The following FARP1 variants were observed in gnomAD, a reference collection of about 807,000 sequenced individuals.
FARP1 encodes FERM, ARH/RhoGEF and pleckstrin domain protein 1.
FARP1 carries 52 observed loss-of-function variants against 128.8 expected under a neutral mutation model. The observed-to-expected ratio is 0.40, with a 90% confidence interval of 0.32 to 0.51. FARP1 has a LOEUF of 0.51. Ranked by LOEUF, FARP1 falls within the 20% of genes least tolerant of loss-of-function variation. FARP1 has a pLI of 0.45. For missense variants in FARP1, 1,333 were observed against 1,367.9 expected, an observed-to-expected ratio of 0.97 and a Z score of 0.40; for synonymous variants, 580 against 551.8, an observed-to-expected ratio of 1.05 and a Z score of -0.72.
At chr13:98,307,531 C>T (rs1249330334) in intron 2 of FARP1, among the ~76,000 whole-genome samples, 4 of 152,174 alleles carry the variant, frequency 2.6e-5, no homozygotes, top group African/African-American at 9.7e-5. Flanking sequence ...GTCCTGTTCA[C>T]ACGCTACAGG....
Position 98,438,823 on chromosome 13 carries a change from G to C in FARP1, c.2294G>C (p.Ser765Thr). 3.1e-6 allele frequency: 5 copies of C among 1,613,024 alleles called. No individual in the cohort carries two copies. In the South Asian group the frequency reaches 3.3e-5, roughly 11 times the overall value. The change falls in exon 20 of 27, where the codon AGC becomes ACC. Residue 765 changes from serine (S) to threonine (T), a missense_variant. Physicochemically the swap from Ser to Thr is moderately conservative, Grantham distance 58. Around this residue, in one of 2 missense-constraint regions of FARP1, gnomAD observed 1,009 missense variants for 969.8 expected, o/e 1.04. Coordinates refer to ENST00000319562, the MANE Select transcript of FARP1 (RefSeq NM_005766.4). ...VPGREFIRLG[S>T]LSKLSGKGLQ... ...CTGCAGGAGTTCATCCGTCTGGGCA[G>C]CCTCAGCAAGCTCTCGGGGAAGGGG...
At position 98,422,033 on chromosome 13, in the gene FARP1, C is replaced by G. The variant is rs575277272; in HGVS notation, c.1827-2539C>G. 2.6e-5 allele frequency among the ~76,000 whole-genome samples: 4 copies of G among 152,002 alleles called. No homozygotes were observed. The South Asian group carries it at 8.3e-4, about 32-fold the overall frequency. On this transcript the variant is annotated intron_variant, in intron 16 of 26. Coordinates refer to ENST00000319562, the MANE Select transcript of FARP1 (RefSeq NM_005766.4). ...TCAGCCGTGGTTTGGCATCATGAAC[C>G]GAAACCACGGCAAATAGGAGGGCTT...
Position 98,453,867 on chromosome 13 carries a change from C to T in FARP1, c.*5550C>T, listed in dbSNP as rs111619453. On this transcript the variant is annotated 3_prime_UTR_variant, in exon 27 of 27. Transcript: ENST00000319562. The stretch of plus-strand genomic sequence containing the variant: ...ATATGTACAAGTTTAAAAGTACATA[C>T]AAAATTACAGATTGGGCATCCCTTA... 1 of 152,126 alleles carries T rather than the reference C, an allele frequency of 6.6e-6. No homozygotes were observed. The highest frequency in any genetic ancestry group is 1.5e-5 in the Non-Finnish European group (1 of 68,040). The allele number at this position is 152,126 out of a possible 1,614,324, so 9.4% of individuals were successfully genotyped here.
intron 8 of FARP1, among the ~76,000 whole-genome samples, chr13:98,386,255 T>C (rs1890094699): frequency 6.6e-6 from 1 of 150,398 alleles, no homozygotes; most frequent in African/African-American, 2.4e-5. Context: ...GGACTTCAGA[T>C]ATACTTAAAG....
chr13:98,291,712 G>A (rs759209981), intron 2 of FARP1, among the ~76,000 whole-genome samples: 29 of 152,108 alleles, frequency 1.9e-4, no homozygotes, highest in Non-Finnish European at 3.4e-4. Context: ...CTCCTGCCCC[G>A]TCAGCCTCCC....
At chr13:98,257,961 G>C (rs773399383) in intron 2 of FARP1, among the ~76,000 whole-genome samples, 6 of 151,980 alleles carry the variant, frequency 3.9e-5, no homozygotes, top group Non-Finnish European at 8.8e-5. Context: ...ACATCATGTC[G>C]TACACCATTG....
At chr13:98,283,694 C>A (rs184223123) in intron 2 of FARP1, among the ~76,000 whole-genome samples, 1 of 151,882 alleles carries the variant, frequency 6.6e-6, no homozygotes, top group Non-Finnish European at 1.5e-5. Flanking sequence ...TAGCATATAC[C>A]TTTAAGTGAA....
At chr13:98,412,699 T>G (rs1481761759) in intron 16 of FARP1, among the ~76,000 whole-genome samples, 1 of 151,970 alleles carries the variant, frequency 6.6e-6, no homozygotes, top group East Asian at 1.9e-4. Flanking sequence ...AAGAGGGAGG[T>G]ACAAAAAACC....
At chr13:98,292,422 A>G (rs1195005887) in intron 2 of FARP1, among the ~76,000 whole-genome samples, 2 of 152,244 alleles carry the variant, frequency 1.3e-5, no homozygotes, top group Non-Finnish European at 2.9e-5. Context: ...GGGAAAATGT[A>G]TTTGTCAAAA....
In FARP1 at chr13:98,448,419, A is replaced by G. The variant is rs1251305665; in HGVS notation, c.*102A>G. 2.1e-6 allele frequency: 2 copies of G among 962,516 alleles called. No homozygotes were observed. Among genetic ancestry groups the G allele is most frequent in the Admixed American group, 1.9e-5 (1 of 53,712 alleles). The allele number at this position is 962,516 out of a possible 1,614,324, so 59.6% of individuals were successfully genotyped here. ...TAAAATTAACACCTGTCTGAAAATC[A>G]AAAACATGGCTTCCCAGCAGCTCTC... is the stretch of plus-strand genomic sequence containing the variant. On this transcript the variant is annotated 3_prime_UTR_variant, in exon 27 of 27. Coordinates refer to ENST00000319562, the MANE Select transcript of FARP1 (RefSeq NM_005766.4).
At chr13:98,201,148 A>G (rs1879916740) in intron 1 of FARP1, among the ~76,000 whole-genome samples, 1 of 152,202 alleles carries the variant, frequency 6.6e-6, no homozygotes, top group South Asian at 2.1e-4. Context: ...TTTTAGCAGG[A>G]AGAAACAGAA....
intron 2 of FARP1, among the ~76,000 whole-genome samples, chr13:98,288,299 A>T (rs1396079517): frequency 6.6e-6 from 1 of 152,098 alleles, no homozygotes; most frequent in Non-Finnish European, 1.5e-5. Flanking sequence ...CATCTTTGGG[A>T]TAAAATCTAA....
intron 3 of FARP1, among the ~76,000 whole-genome samples, chr13:98,360,159 T>C (rs1157435295): frequency 2.0e-5 from 3 of 146,478 alleles, no homozygotes; most frequent in African/African-American, 7.6e-5. Flanking sequence ...GCAATGGTGC[T>C]GTCTCAAATC....
At chr13:98,255,893 G>C (rs555998227) in intron 2 of FARP1, among the ~76,000 whole-genome samples, 2 of 152,186 alleles carry the variant, frequency 1.3e-5, no homozygotes, top group Admixed American at 6.5e-5. Context: ...CATGTAGCTG[G>C]AACTGTAGGC....
intron 3 of FARP1, among the ~76,000 whole-genome samples, chr13:98,360,371 C>CA (rs1888821375): frequency 6.6e-6 from 1 of 152,210 alleles, no homozygotes; most frequent in African/African-American, 2.4e-5. Flanking sequence ...GCTAGGATTA[C>CA]AGGCGTGAGC....
At chr13:98,286,257 A>G (rs990466549) in intron 2 of FARP1, among the ~76,000 whole-genome samples, 3 of 152,084 alleles carry the variant, frequency 2.0e-5, no homozygotes, top group African/African-American at 7.2e-5. Flanking sequence ...TCCTGAGCAC[A>G]AGCCTCATTA....
At chr13:98,406,094 G>C (rs1594498737) in intron 13 of FARP1, 1 of 152,190 alleles carries the variant, frequency 6.6e-6, no homozygotes, top group South Asian at 2.1e-4. Flanking sequence ...TATAGACACA[G>C]CTCTTCCCAC....
chr13:98,223,873 C>T (rs1386506501), intron 2 of FARP1, among the ~76,000 whole-genome samples: 4 of 152,218 alleles, frequency 2.6e-5, no homozygotes, highest in Admixed American at 2.6e-4. Context: ...CATTTAGATC[C>T]AGTGTTTTCA....
chr13:98,205,786 T>C lies in FARP1; in HGVS notation c.-23-7434T>C, dbSNP rs151279555. On this transcript the variant is annotated intron_variant, in intron 1 of 26. Coordinates refer to ENST00000319562, the MANE Select transcript of FARP1 (RefSeq NM_005766.4). Reference sequence around the variant, plus strand: ...CCAGTGCATATTTCCTTTTAGCTGCTTCCCATTTGGCCTGTATTTTGGTGA... The same window carrying C: ...CCAGTGCATATTTCCTTTTAGCTGCCTCCCATTTGGCCTGTATTTTGGTGA... Among the ~76,000 whole-genome samples, 1,031 of 152,322 alleles carry C rather than the reference T, an allele frequency of 6.8e-3. 44 individuals carry two copies. The highest frequency in any genetic ancestry group is 0.064 in the Admixed American group (985 of 15,298).
Sources: allele counts gnomAD v4.1 joint callset (sites outside exome capture counted in the v4.1 genomes callset), GRCh38; gene constraint gnomAD v4.1.1; regional missense constraint gnomAD v4.1.1; transcripts MANE v1.5; gene names NCBI Gene and HGNC (gene_info 2026-07-23, HGNC 2026-07-21).